Variants in LTBP1 observed in about 807,000 individuals in gnomAD.
LTBP1 encodes the protein latent transforming growth factor beta binding protein 1, also known as latent-transforming growth factor beta-binding protein 1.
In LTBP1, 129 loss-of-function variants were observed where a neutral mutation model predicts 207.6. That is an observed-to-expected ratio of 0.62 (90% confidence interval 0.54 to 0.72). LTBP1 has a LOEUF of 0.72. Ranked by LOEUF, LTBP1 falls within the 30% of genes least tolerant of loss-of-function variation. The pLI is 0.00. For missense variants in LTBP1, 2,281 were observed against 2,217.2 expected (o/e 1.03, Z -0.58); for synonymous variants, 963 against 833.7 (o/e 1.16, Z -2.67).
intron 3 of LTBP1, among the ~76,000 whole-genome samples, chr2:33,043,801 G>A (rs2076310907): frequency 1.3e-5 from 2 of 152,298 alleles, no homozygotes; most frequent in East Asian, 1.9e-4. Flanking sequence ...AGGACCAGGC[G>A]GTGGAGGACC....
At chr2:32,966,996 T>C (rs923233606) in intron 2 of LTBP1, among the ~76,000 whole-genome samples, 2 of 152,232 alleles carry the variant, frequency 1.3e-5, no homozygotes, top group African/African-American at 4.8e-5. Flanking sequence ...CATCCTGGCT[T>C]GCTGTTTTCT....
chr2:33,195,164 A>G (rs907968693), intron 7 of LTBP1, among the ~76,000 whole-genome samples: 7 of 152,240 alleles, frequency 4.6e-5, no homozygotes, highest in East Asian at 3.8e-4. Flanking sequence ...CATGCCTGCA[A>G]TCACAACATC....
chr2:33,179,785 TC>T, intron 5 of LTBP1, among the ~76,000 whole-genome samples: 1 of 152,272 alleles, frequency 6.6e-6, no homozygotes, highest in Non-Finnish European at 1.5e-5. Context: ...TCCTTGTTTT[TC>T]CCCGGTTCTG....
chr2:33,155,651 T>C lies in LTBP1; in HGVS notation c.1201+20691T>C, dbSNP rs567246029. ...TCTCTGGGGACAAAACCACCCCTGA[T>C]TGAGAAGCATTGGTCTAAAAACTTT... On this transcript the variant is annotated intron_variant, in intron 5 of 33. Coordinates refer to ENST00000404816, the MANE Select transcript of LTBP1 (RefSeq NM_206943.4). Among the ~76,000 whole-genome samples the C allele has an allele frequency of 3.9e-5, 6 of 152,274 alleles. 1 individual carries two copies. Among genetic ancestry groups the C allele is most frequent in the African/African-American group, 1.2e-4 (5 of 41,560 alleles).
intron 3 of LTBP1, among the ~76,000 whole-genome samples, chr2:33,051,687 G>A (rs183474256): frequency 3.9e-5 from 6 of 152,288 alleles, no homozygotes; most frequent in African/African-American, 1.2e-4. Context: ...TTGCCAAGTT[G>A]TGTGAAGTGT....
At chr2:33,157,199 C>G (rs571013618) in intron 5 of LTBP1, among the ~76,000 whole-genome samples, 1 of 152,220 alleles carries the variant, frequency 6.6e-6, no homozygotes, top group South Asian at 2.1e-4. Context: ...TGTTTAGAAC[C>G]TAGAGACTTG....
At chr2:33,019,580 C>T (rs554342111) in intron 2 of LTBP1, among the ~76,000 whole-genome samples, 13 of 152,138 alleles carry the variant, frequency 8.5e-5, no homozygotes, top group East Asian at 1.9e-4. Context: ...AGTGATCCAC[C>T]GGGCTCCGTC....
At chr2:32,968,272 C>T (rs1282527165) in intron 2 of LTBP1, among the ~76,000 whole-genome samples, 2 of 152,082 alleles carry the variant, frequency 1.3e-5, no homozygotes, top group Non-Finnish European at 2.9e-5. Flanking sequence ...GATTATCTAT[C>T]GGTTTTTGCC....
intron 11 of LTBP1, among the ~76,000 whole-genome samples, chr2:33,255,816 T>C (rs527736187): frequency 6.6e-6 from 1 of 152,336 alleles, no homozygotes; most frequent in Non-Finnish European, 1.5e-5. Flanking sequence ...AGACATTCAA[T>C]AGAAGATCTC....
At position 33,384,235 on chromosome 2, in the gene LTBP1, A is replaced by T. The variant is rs1322971193; in HGVS notation, c.4712-4949A>T. On this transcript the variant is annotated intron_variant, in intron 31 of 33. Transcript: ENST00000404816. Reference sequence around the variant, plus strand: ...TCAATTTAAGATGAAAAGCAACAGCATTTGTCATATGAATCAGCCATGCCA... The same window carrying T: ...TCAATTTAAGATGAAAAGCAACAGCTTTTGTCATATGAATCAGCCATGCCA... Among the ~76,000 whole-genome samples, 4 of 152,228 alleles carry T rather than the reference A, an allele frequency of 2.6e-5. 1 individual carries two copies. The highest frequency in any genetic ancestry group is 1.3e-4 in the Admixed American group (2 of 15,286).
intron 4 of LTBP1, among the ~76,000 whole-genome samples, chr2:33,118,191 A>G (rs187334020): frequency 9.5e-6 from 1 of 105,282 alleles, no homozygotes; most frequent in African/African-American, 3.0e-5. Flanking sequence ...ACTTGTGTGC[A>G]AAAAAAAAAA....
intron 16 of LTBP1, 137 bp from the exon 17 acceptor site, chr2:33,274,828 G>T (rs890035537): frequency 2.7e-6 from 2 of 746,020 alleles, no homozygotes; most frequent in Non-Finnish European, 4.4e-6. Flanking sequence ...GAGAAAGATC[G>T]TGTCTCCTTT....
chr2:33,317,779 G>T (rs1418610079), intron 24 of LTBP1: 1 of 152,210 alleles, frequency 6.6e-6, no homozygotes, highest in African/African-American at 2.4e-5. Flanking sequence ...CTCCCACATA[G>T]CTGAAGGAAG....
At chr2:33,019,135 G>T (rs1369855037) in intron 2 of LTBP1, among the ~76,000 whole-genome samples, 1 of 151,992 alleles carries the variant, frequency 6.6e-6, no homozygotes, top group Non-Finnish European at 1.5e-5. Context: ...GTGGACTGAA[G>T]CTTGTTTTGA....
intron 15 of LTBP1, among the ~76,000 whole-genome samples, chr2:33,268,839 C>G (rs900885508): frequency 6.6e-6 from 1 of 152,210 alleles, no homozygotes; most frequent in Non-Finnish European, 1.5e-5. Flanking sequence ...CAAGCTTTCT[C>G]CATGGCTCTT....
chr2:33,004,463 G>A (rs772204118), intron 2 of LTBP1, among the ~76,000 whole-genome samples: 3 of 151,766 alleles, frequency 2.0e-5, no homozygotes, highest in Non-Finnish European at 2.9e-5. Flanking sequence ...TTCCCTTAAC[G>A]TATATAAGTC....
chr2:33,159,416 C>T (rs947520158), intron 5 of LTBP1, among the ~76,000 whole-genome samples: 2 of 152,186 alleles, frequency 1.3e-5, no homozygotes, highest in Non-Finnish European at 2.9e-5. Flanking sequence ...CTGTCTAGCA[C>T]CTTTTAAAGG....
At chr2:32,972,157 A>G (rs1214199337) in intron 2 of LTBP1, among the ~76,000 whole-genome samples, 1 of 136,626 alleles carries the variant, frequency 7.3e-6, no homozygotes, top group Non-Finnish European at 1.6e-5. Flanking sequence ...TATCTTCTTT[A>G]TCATTTCTGA....
At chr2:33,121,350 C>A (rs2081107300) in intron 4 of LTBP1, among the ~76,000 whole-genome samples, 1 of 151,798 alleles carries the variant, frequency 6.6e-6, no homozygotes, top group Non-Finnish European at 1.5e-5. Flanking sequence ...CTTGTAAGTC[C>A]TTGTATCCTA....
Sources: allele counts gnomAD v4.1 joint callset (sites outside exome capture counted in the v4.1 genomes callset), GRCh38; gene constraint gnomAD v4.1.1; transcripts MANE v1.5; gene names NCBI Gene and HGNC (gene_info 2026-07-23, HGNC 2026-07-21).